The following PRRX1 variants were observed in gnomAD, a reference collection of about 807,000 sequenced individuals.
PRRX1 encodes paired mesoderm homeobox protein 1.
A neutral mutation model predicts 24.0 loss-of-function variants in PRRX1; 8 were observed. That is an observed-to-expected ratio of 0.33 (90% CI 0.20 to 0.60). The LOEUF (loss-of-function observed/expected upper bound fraction) is 0.60. PRRX1 is among the 20% of genes least tolerant of loss of function. The probability of loss-of-function intolerance (pLI) is 0.82; values close to 1 mark genes in which losing one functional copy is unlikely to be tolerated. For missense variants in PRRX1, 281 were observed against 322.4 expected (o/e 0.87, Z 0.98); for synonymous variants, 160 against 131.7 (o/e 1.22, Z -1.47).
chr1:170,735,122 T>A (rs1176189999), intron 3 of PRRX1, among the ~76,000 whole-genome samples: 2 of 152,196 alleles, frequency 1.3e-5, no homozygotes, highest in Admixed American at 6.5e-5. Context: ...GAAAGACTAA[T>A]TTGCTATTAA....
At chr1:170,680,230 A>G (rs949301489) in intron 1 of PRRX1, among the ~76,000 whole-genome samples, 1 of 152,044 alleles carries the variant, frequency 6.6e-6, no homozygotes, top group Non-Finnish European at 1.5e-5. Context: ...CAAAGGATGT[A>G]TTTGTTCATC....
At chr1:170,666,470 C>T (rs916125488) in intron 1 of PRRX1, among the ~76,000 whole-genome samples, 18 of 151,248 alleles carry the variant, frequency 1.2e-4, no homozygotes, top group Non-Finnish European at 2.5e-4. Context: ...GTGTAGACCC[C>T]AGCTTCACCA....
At position 170,736,172 on chromosome 1, in the gene PRRX1, C is replaced by A; in HGVS notation, c.724C>A (p.Pro242Thr). 1 of 1,614,046 alleles carries A rather than the reference C, an allele frequency of 6.2e-7. No individual in the cohort carries two copies. Among genetic ancestry groups the A allele is most frequent in the Non-Finnish European group, 8.5e-7 (1 of 1,179,982 alleles). Residue 242 changes from proline to threonine, a missense_variant, in exon 4 of 4, where the codon CCA (proline) becomes ACA (threonine). Transcript: ENST00000239461. ...KEYSLQRNQVPTVN is the reference protein window; with the variant it reads ...KEYSLQRNQVTTVN ...ATATAGTTTACAGAGGAACCAGGTG[C>A]CAACAGTCAACTGAGGAAAAAAAAT...
intron 1 of PRRX1, among the ~76,000 whole-genome samples, chr1:170,689,318 A>G (rs952499767): frequency 1.3e-5 from 2 of 152,210 alleles, no homozygotes; most frequent in Admixed American, 1.3e-4. Flanking sequence ...GACTCATTAA[A>G]GAGCTGAATA....
rs934400526 is a variant in PRRX1, at chr1:170,695,843, TTC to T, written c.242-23882_242-23881del. ...TCTTCTTTTCCTGGGTATGCTTTTT[TTC>T]CCCCCCTCTCTATTCTCTGAGACCT... On this transcript the variant is annotated intron_variant, in intron 1 of 3. Transcript: ENST00000239461. Among the ~76,000 whole-genome samples the T allele has an allele frequency of 1.2e-3, 46 of 39,476 alleles. No individual in the cohort carries two copies. The South Asian group carries it at 0.018, about 15-fold the overall frequency. The allele number at this position is 39,476 out of a possible 152,430, so 25.9% of individuals were successfully genotyped here.
At chr1:170,720,222 G>A (rs1436523845) in intron 2 of PRRX1, among the ~76,000 whole-genome samples, 1 of 152,110 alleles carries the variant, frequency 6.6e-6, no homozygotes, top group African/African-American at 2.4e-5. Flanking sequence ...AGGTTGCAGT[G>A]AGCTGAGATC....
rs368372421 is a variant in PRRX1, at chr1:170,723,931, C to T, written c.418-2289C>T. 6.4e-5 allele frequency among the ~76,000 whole-genome samples: 8 copies of T among 124,684 alleles called. No individual in the cohort carries two copies. The East Asian group carries it at 7.7e-4, about 12-fold the overall frequency. The allele number at this position is 124,684 out of a possible 152,430, so 81.8% of individuals were successfully genotyped here. A position where few individuals can be genotyped will look rare whatever the true frequency, so the allele number is the denominator to read the frequency against. Reference sequence around the variant, plus strand: ...TATTATAATTTAATGAGACCACTGTCGTATATGAGGTCCATCATATGTGGT... The same window carrying T: ...TATTATAATTTAATGAGACCACTGTTGTATATGAGGTCCATCATATGTGGT... On this transcript the variant is annotated intron_variant, in intron 2 of 3. Transcript: ENST00000239461.
At position 170,664,377 on chromosome 1, in the gene PRRX1, G is replaced by T; in HGVS notation, c.159G>T (p.Ala53=). The change falls in exon 1 of 4, where the codon GCG becomes GCT. Residue 53 remains alanine, a synonymous_variant. Transcript: ENST00000239461. Reference sequence around the variant, plus strand: ...CCGGGGACATGGTGGCGGCACAGGCGGATGAGAACGTGGGCGAGGCTGGCC... The same window carrying T: ...CCGGGGACATGGTGGCGGCACAGGCTGATGAGAACGTGGGCGAGGCTGGCC... ...EEAGDMVAAQ[A]DENVGEAGRS... The T allele has an allele frequency of 2.5e-6, 4 of 1,613,750 alleles. No individual in the cohort carries two copies. Among genetic ancestry groups the T allele is most frequent in the Non-Finnish European group, 3.4e-6 (4 of 1,179,916 alleles).
chr1:170,665,150 C>T (rs562155391), intron 1 of PRRX1, among the ~76,000 whole-genome samples: 1 of 152,358 alleles, frequency 6.6e-6, no homozygotes, highest in South Asian at 2.1e-4. Context: ...AGGGAATGTC[C>T]TTTAAGGGTG....
upstream of PRRX1, chr1:170,663,939 T>C: frequency 2.2e-6 from 1 of 464,016 alleles, no homozygotes; most frequent in East Asian, 3.4e-5. Context: ...GGATTATCTC[T>C]TTGGACCGCG....
chr1:170,705,963 CACACAA>C (rs1289719070), intron 1 of PRRX1, among the ~76,000 whole-genome samples: 1 of 150,182 alleles, frequency 6.7e-6, no homozygotes, highest in African/African-American at 2.5e-5. Flanking sequence ...CACACACACA[CACACAA>C]ACATTTTATG....
chr1:170,664,127 C>T (rs1652825041), upstream of PRRX1: 1 of 1,312,390 alleles, frequency 7.6e-7, no homozygotes, highest in African/African-American at 1.5e-5. Flanking sequence ...CCTCTTTCTT[C>T]CCCACTCGGC....
chr1:170,727,041 A>G (rs893296803), intron 3 of PRRX1: 3 of 152,274 alleles, frequency 2.0e-5, no homozygotes, highest in Middle Eastern at 3.4e-3. Flanking sequence ...TCTATTGCTA[A>G]TTCTTGTCTA....
chr1:170,707,580 A>G (rs2101908920), intron 1 of PRRX1, among the ~76,000 whole-genome samples: 1 of 152,276 alleles, frequency 6.6e-6, no homozygotes, highest in Non-Finnish European at 1.5e-5. Flanking sequence ...TTCTATAAGA[A>G]TCTCCTGAGT....
At chr1:170,663,985 G>T, upstream of PRRX1, 1 of 520,278 alleles carries the variant, frequency 1.9e-6, no homozygotes, top group Non-Finnish European at 3.4e-6. Flanking sequence ...CAATGCTGCG[G>T]AAGGCGGCTG....
intron 1 of PRRX1, among the ~76,000 whole-genome samples, chr1:170,709,596 T>C (rs1237699117): frequency 6.6e-6 from 1 of 152,182 alleles, no homozygotes; most frequent in Non-Finnish European, 1.5e-5. Flanking sequence ...TTTTCTACTA[T>C]TACTTTACTT....
chr1:170,722,369 T>C (rs1466195694), intron 2 of PRRX1, among the ~76,000 whole-genome samples: 1 of 152,242 alleles, frequency 6.6e-6, no homozygotes, highest in Non-Finnish European at 1.5e-5. Flanking sequence ...ATTTTTTTCT[T>C]CTTTTCCTCT....
chr1:170,697,085 T>C (rs1001339461), intron 1 of PRRX1, among the ~76,000 whole-genome samples: 1 of 152,144 alleles, frequency 6.6e-6, no homozygotes, highest in Non-Finnish European at 1.5e-5. Flanking sequence ...CATACATGAA[T>C]AGAGCCACTT....
At chr1:170,730,342 T>G in intron 3 of PRRX1, 3 of 1,608,672 alleles carry the variant, frequency 1.9e-6, no homozygotes, top group Non-Finnish European at 2.6e-6. Context: ...CGGAAGACAC[T>G]GAAAAGGTAA....
Sources: gnomAD v4.1 joint callset for allele counts (sites outside exome capture counted in the v4.1 genomes callset) on GRCh38, gnomAD v4.1.1 for gene constraint, MANE v1.5 for transcripts, NCBI Gene and HGNC (gene_info 2026-07-23, HGNC 2026-07-21) for gene names.